SYNPR: variants seen among roughly 807,000 people sequenced by gnomAD.
SYNPR encodes the protein synaptoporin.
SYNPR carries 23 observed loss-of-function variants against 32.9 expected under a neutral mutation model. The observed-to-expected ratio is 0.70, with a 90% CI of 0.50 to 0.99. The LOEUF is 0.99. SYNPR is among the 50% of genes least tolerant of loss of function. SYNPR has a pLI of 0.00. For synonymous variants in SYNPR, 146 were observed against 135.9 expected (o/e 1.07, Z -0.52); for missense variants, 318 against 349.3 (o/e 0.91, Z 0.71).
At chr3:63,419,105 T>G (rs1244756584) in intron 2 of SYNPR, among the ~76,000 whole-genome samples, 1 of 152,182 alleles carries the variant, frequency 6.6e-6, no homozygotes, top group African/African-American at 2.4e-5. Context: ...AACAAACTCT[T>G]ATTTATTTGA....
At chr3:63,380,226 C>T (rs370858604) in intron 2 of SYNPR, among the ~76,000 whole-genome samples, 17 of 152,082 alleles carry the variant, frequency 1.1e-4, no homozygotes, top group Admixed American at 4.6e-4. Flanking sequence ...CTGGCTCAAA[C>T]GGTATTTCTA....
chr3:63,320,574 C>T (rs191030602), intron 2 of SYNPR, among the ~76,000 whole-genome samples: 89 of 152,114 alleles, frequency 5.9e-4, no homozygotes, highest in Non-Finnish European at 7.1e-4. Context: ...AGTTCTAGTT[C>T]CCCCACTTAT....
intron 4 of SYNPR, among the ~76,000 whole-genome samples, chr3:63,570,520 G>A (rs115930584): frequency 6.6e-6 from 1 of 152,068 alleles, no homozygotes; most frequent in African/African-American, 2.4e-5. Context: ...TTCCTATTCT[G>A]CATAGCTACT....
At chr3:63,402,167 T>C (rs2088301433) in intron 2 of SYNPR, among the ~76,000 whole-genome samples, 2 of 152,144 alleles carry the variant, frequency 1.3e-5, no homozygotes, top group Admixed American at 6.5e-5. Flanking sequence ...TCAGCCATTA[T>C]TGACATTTTG....
intron 2 of SYNPR, among the ~76,000 whole-genome samples, chr3:63,432,803 C>T (rs1420586705): frequency 2.0e-5 from 3 of 152,192 alleles, no homozygotes; most frequent in African/African-American, 4.8e-5. Flanking sequence ...TGGAACTCAC[C>T]TTGTGTGACA....
chr3:63,564,278 C>T (rs1702746900), intron 4 of SYNPR, among the ~76,000 whole-genome samples: 1 of 149,838 alleles, frequency 6.7e-6, no homozygotes, highest in East Asian at 2.0e-4. Flanking sequence ...CTCACTGCAA[C>T]CACTGCCTCC....
chr3:63,408,019 T>C lies in SYNPR; in HGVS notation c.85-72813T>C, dbSNP rs79496992. 3.0e-3 allele frequency among the ~76,000 whole-genome samples: 453 copies of C among 151,854 alleles called. 2 individuals carry two copies. The highest frequency in any genetic ancestry group is 4.5e-3 in the Non-Finnish European group (308 of 67,974). The stretch of plus-strand genomic sequence containing the variant: ...TTAGAAAACTAGCTAGCATGGTTCC[T>C]TAATATGGTGACATGCAGTGGTTTC... On this transcript the variant is annotated intron_variant, in intron 2 of 5. Transcript: ENST00000478300.
intron 2 of SYNPR, among the ~76,000 whole-genome samples, chr3:63,414,021 T>G (rs34729239): frequency 0.18 from 27,058 of 148,410 alleles, 2,656 homozygotes; most frequent in African/African-American, 0.24. Context: ...TATATATATA[T>G]ATAGAGAGAG....
chr3:63,394,462 G>A (rs187585494), intron 2 of SYNPR, among the ~76,000 whole-genome samples: 226 of 152,264 alleles, frequency 1.5e-3, no homozygotes, highest in Middle Eastern at 3.4e-3. Context: ...CCTGAGCACA[G>A]ACATTAAATG....
intron 4 of SYNPR, among the ~76,000 whole-genome samples, chr3:63,580,449 T>C (rs1703071091): frequency 6.6e-6 from 1 of 152,124 alleles, no homozygotes; most frequent in South Asian, 2.1e-4. Context: ...GTAGAGATAA[T>C]ACCAACAAAA....
At chr3:63,417,901 G>A (rs1159609607) in intron 2 of SYNPR, among the ~76,000 whole-genome samples, 1 of 152,214 alleles carries the variant, frequency 6.6e-6, no homozygotes, top group Non-Finnish European at 1.5e-5. Flanking sequence ...TGTGATGGGA[G>A]GGGCTGCTGT....
At chr3:63,564,496 GT>G (rs1702750012) in intron 4 of SYNPR, among the ~76,000 whole-genome samples, 1 of 49,794 alleles carries the variant, frequency 2.0e-5, no homozygotes, top group Non-Finnish European at 3.7e-5. Context: ...TGCCCAGCCG[GT>G]GTGTGTGTGT....
At chr3:63,586,264 G>T (rs866658644) in intron 4 of SYNPR, among the ~76,000 whole-genome samples, 7 of 151,638 alleles carry the variant, frequency 4.6e-5, no homozygotes, top group Non-Finnish European at 7.4e-5. Context: ...TGTAAATGCC[G>T]CTTGCTCATT....
chr3:63,455,833 T>A (rs768483096), intron 2 of SYNPR, among the ~76,000 whole-genome samples: 3 of 151,124 alleles, frequency 2.0e-5, no homozygotes, highest in Non-Finnish European at 4.4e-5. Context: ...CTTTATCCTG[T>A]TCCCGTTAAG....
chr3:63,387,791 A>C (rs765512988), intron 2 of SYNPR, among the ~76,000 whole-genome samples: 20 of 152,286 alleles, frequency 1.3e-4, no homozygotes, highest in South Asian at 6.2e-4. Context: ...AGAGGTTACA[A>C]AGCAGCCTTG....
intron 3 of SYNPR, among the ~76,000 whole-genome samples, chr3:63,268,443 T>C (rs540003897): frequency 6.6e-6 from 1 of 152,208 alleles, no homozygotes; most frequent in Admixed American, 6.5e-5. Context: ...TAACTACTAA[T>C]AGCCTGCTGT....
At chr3:63,284,964 T>G (rs1458121910) in intron 2 of SYNPR, among the ~76,000 whole-genome samples, 2 of 152,204 alleles carry the variant, frequency 1.3e-5, no homozygotes, top group Non-Finnish European at 2.9e-5. Context: ...AGGGACAAAA[T>G]TGAGGGAAAT....
chr3:63,513,412 T>C (rs1701735038), intron 3 of SYNPR, among the ~76,000 whole-genome samples: 1 of 152,076 alleles, frequency 6.6e-6, no homozygotes, highest in Non-Finnish European at 1.5e-5. Context: ...CTCTTTAAAA[T>C]GTATTTTAAA....
At position 63,457,776 on chromosome 3, in the gene SYNPR, C is replaced by T. The variant is rs762220132; in HGVS notation, c.85-23056C>T. Among the ~76,000 whole-genome samples the T allele has an allele frequency of 3.9e-5, 6 of 152,140 alleles. No homozygotes were observed. In the East Asian group the frequency reaches 5.8e-4, roughly 15 times the overall value. ...TATTGTAGACACATTGAATATTTAG[C>T]GAACTTTGGTCCAGGAAGGGAGAAG... On this transcript the variant is annotated intron_variant, in intron 2 of 5. Coordinates refer to ENST00000478300, the MANE Select transcript of SYNPR (RefSeq NM_001130003.2).
Sources: gnomAD v4.1 joint callset for allele counts (sites outside exome capture counted in the v4.1 genomes callset) on GRCh38, gnomAD v4.1.1 for gene constraint, MANE v1.5 for transcripts, NCBI Gene and HGNC (gene_info 2026-07-23, HGNC 2026-07-21) for gene names.